LRP1B: variants seen among roughly 807,000 people sequenced by gnomAD.
LRP1B encodes LDL receptor related protein 1B.
A neutral mutation model predicts 556.6 loss-of-function variants in LRP1B; 217 were observed. The ratio of observed to expected loss-of-function variants is 0.39; its 90% CI spans 0.35 to 0.44. The LOEUF is 0.44. LRP1B is among the 20% of genes least tolerant of loss of function. The pLI is 1.00. For missense variants in LRP1B, 5,053 were observed against 5,620.8 expected, an observed-to-expected ratio of 0.90 and a Z score of 3.23; for synonymous variants, 2,047 against 1,865.8, an observed-to-expected ratio of 1.10 and a Z score of -2.50.
At chr2:141,849,947 A>C (rs1367727448) in intron 1 of LRP1B, among the ~76,000 whole-genome samples, 1 of 151,716 alleles carries the variant, frequency 6.6e-6, no homozygotes, top group Non-Finnish European at 1.5e-5. Context: ...GCATAAGTTA[A>C]TGTTTCACAT....
chr2:140,251,912 T>C (rs995918614), intron 86 of LRP1B, among the ~76,000 whole-genome samples: 11 of 151,118 alleles, frequency 7.3e-5, no homozygotes, highest in African/African-American at 2.7e-4. Context: ...AAATACTTTT[T>C]TTCTGGTTAA....
chr2:140,443,141 A>G (rs1477748870), intron 65 of LRP1B, among the ~76,000 whole-genome samples: 2 of 151,968 alleles, frequency 1.3e-5, no homozygotes, highest in South Asian at 4.2e-4. Flanking sequence ...GCTCACTGCA[A>G]CCTCCACCTC....
chr2:140,798,966 C>T (rs186017052), intron 32 of LRP1B, among the ~76,000 whole-genome samples: 26 of 151,962 alleles, frequency 1.7e-4, no homozygotes, highest in Non-Finnish European at 3.2e-4. Context: ...GTAAGTTATC[C>T]GGAACAAAGT....
intron 21 of LRP1B, among the ~76,000 whole-genome samples, chr2:140,914,183 G>C (rs1694507155): frequency 6.6e-6 from 1 of 152,098 alleles, no homozygotes; most frequent in Non-Finnish European, 1.5e-5. Flanking sequence ...TGTGGATAGA[G>C]TGGATTGAAG....
chr2:141,133,608 GTTA>G (rs1701417135), intron 7 of LRP1B, among the ~76,000 whole-genome samples: 1 of 151,958 alleles, frequency 6.6e-6, no homozygotes, highest in African/African-American at 2.4e-5. Context: ...AATATTCACT[GTTA>G]TTATTTTTTT....
At chr2:140,984,616 T>C (rs1035231387) in intron 17 of LRP1B, among the ~76,000 whole-genome samples, 9 of 152,152 alleles carry the variant, frequency 5.9e-5, no homozygotes, top group African/African-American at 2.2e-4. Context: ...AGAACTTCTA[T>C]GAACCTGTCT....
chr2:140,699,332 A>T (rs965836821), intron 41 of LRP1B, among the ~76,000 whole-genome samples: 2 of 152,086 alleles, frequency 1.3e-5, no homozygotes, highest in African/African-American at 2.4e-5. Flanking sequence ...TATATTTAGT[A>T]TCATTCCACT....
At chr2:140,360,138 A>G (rs1682439011) in intron 72 of LRP1B, among the ~76,000 whole-genome samples, 1 of 151,704 alleles carries the variant, frequency 6.6e-6, no homozygotes, top group Non-Finnish European at 1.5e-5. Flanking sequence ...CATTTATTCT[A>G]CATTTATCAA....
intron 59 of LRP1B, among the ~76,000 whole-genome samples, chr2:140,476,550 TAAA>T (rs1177401780): frequency 6.6e-6 from 1 of 151,890 alleles, no homozygotes; most frequent in Non-Finnish European, 1.5e-5. Flanking sequence ...TTCAGGAAAA[TAAA>T]AACACTTATC....
chr2:141,012,524 A>G (rs1435794079), intron 14 of LRP1B, among the ~76,000 whole-genome samples: 1 of 152,010 alleles, frequency 6.6e-6, no homozygotes, highest in Non-Finnish European at 1.5e-5. Flanking sequence ...TTTCTTGTCC[A>G]TAGCTATGGC....
At chr2:140,530,878 A>G (rs1483573444) in intron 47 of LRP1B, among the ~76,000 whole-genome samples, 1 of 152,162 alleles carries the variant, frequency 6.6e-6, no homozygotes, top group Non-Finnish European at 1.5e-5. Context: ...TGAGATAGTT[A>G]TAACACAGAA....
intron 2 of LRP1B, among the ~76,000 whole-genome samples, chr2:141,660,915 C>A (rs1690194376): frequency 6.6e-6 from 1 of 152,100 alleles, no homozygotes; most frequent in African/African-American, 2.4e-5. Context: ...GGAGTGTTCC[C>A]ATCGGCATCA....
chr2:140,513,384 T>C (rs1487648268), intron 51 of LRP1B, among the ~76,000 whole-genome samples: 2 of 152,036 alleles, frequency 1.3e-5, no homozygotes, highest in African/African-American at 2.4e-5. Context: ...AGTAAGATAA[T>C]TTTAGAGATT....
rs1486202296 is a variant in LRP1B at position 141,958,554 on chromosome 2, A to T, written c.83-148153T>A. Among the ~76,000 whole-genome samples, 3 of 152,022 alleles carry T rather than the reference A, an allele frequency of 2.0e-5. No individual in the cohort carries two copies. The East Asian group carries it at 5.8e-4, about 30-fold the overall frequency. On this transcript the variant is annotated intron_variant, in intron 1 of 90. Transcript: ENST00000389484. Reference sequence around the variant, plus strand: ...ACATATTGTTTATAATTTTTTAAAAAATCTGTCTACTGTGCTTCAGCCAGT... The same window carrying T: ...ACATATTGTTTATAATTTTTTAAAATATCTGTCTACTGTGCTTCAGCCAGT...
intron 3 of LRP1B, 133 bp from the exon 4 acceptor site, chr2:141,254,774 A>G (rs1485062444): frequency 3.4e-6 from 2 of 590,094 alleles, no homozygotes; most frequent in Non-Finnish European, 5.4e-6. Flanking sequence ...TCTAGAAAAA[A>G]ATATTTACCT....
intron 18 of LRP1B, among the ~76,000 whole-genome samples, chr2:140,967,846 T>C (rs1304759097): frequency 1.8e-4 from 27 of 152,064 alleles, no homozygotes; most frequent in Non-Finnish European, 2.8e-4. Flanking sequence ...ATTATGTTTA[T>C]TGATTTGCAT....
chr2:140,622,657 A>C (rs1458281910), intron 41 of LRP1B, among the ~76,000 whole-genome samples: 1 of 152,100 alleles, frequency 6.6e-6, no homozygotes, highest in Non-Finnish European at 1.5e-5. Context: ...TATGTTCCTT[A>C]GTTGGCCATA....
At chr2:142,090,669 G>A (rs770339855) in intron 1 of LRP1B, among the ~76,000 whole-genome samples, 1 of 152,100 alleles carries the variant, frequency 6.6e-6, no homozygotes, top group East Asian at 1.9e-4. Context: ...ACAAGAATAT[G>A]CAAGTTGACA....
intron 2 of LRP1B, among the ~76,000 whole-genome samples, chr2:141,480,770 T>C (rs1465553788): frequency 6.6e-6 from 1 of 152,172 alleles, no homozygotes; most frequent in African/African-American, 2.4e-5. Flanking sequence ...AAAACATAAA[T>C]ATTCTTTTCA....
Sources: allele counts gnomAD v4.1 joint callset (sites outside exome capture counted in the v4.1 genomes callset), GRCh38; gene constraint gnomAD v4.1.1; transcripts MANE v1.5; gene names NCBI Gene and HGNC (gene_info 2026-07-23, HGNC 2026-07-21).